Variants in TTC28 observed in about 807,000 individuals in gnomAD.
TTC28 encodes the protein tetratricopeptide repeat protein 28.
Under a neutral mutation model 198.0 loss-of-function variants are expected in TTC28, and 61 were observed. The ratio of observed to expected loss-of-function variants is 0.31; its 90% CI spans 0.25 to 0.38. TTC28 has a LOEUF of 0.38. Among genes scored for constraint, TTC28 ranks in the 10% least tolerant of loss-of-function variants. The pLI is 1.00. For synonymous variants in TTC28, 1,171 were observed against 1,297.8 expected, an observed-to-expected ratio of 0.90 and a Z score of 2.10; for missense variants, 2,678 against 3,164.0, an observed-to-expected ratio of 0.85 and a Z score of 3.69.
At chr22:28,274,117 G>T (rs1246490557) in intron 5 of TTC28, among the ~76,000 whole-genome samples, 1 of 152,170 alleles carries the variant, frequency 6.6e-6, no homozygotes, top group Admixed American at 6.5e-5. Flanking sequence ...CTATGCTGTT[G>T]TAAGTCAGAA....
intron 2 of TTC28, among the ~76,000 whole-genome samples, chr22:28,417,300 TAAAAAAAAAAAAAAA>T (rs68164494): frequency 4.5e-5 from 2 of 44,650 alleles, no homozygotes; most frequent in East Asian, 7.8e-4. Flanking sequence ...CTGTCTCTAC[TAAAAAAAAAAAAAAA>T]AAAAAAAAAA....
chr22:28,094,114 G>T lies in TTC28; in HGVS notation c.3898C>A (p.Arg1300=), dbSNP rs374514204. 3.2e-6 allele frequency: 5 copies of T among 1,550,968 alleles called. No homozygotes were observed. In the African/African-American group the frequency reaches 4.1e-5, roughly 13 times the overall value. ...SALEQHIASV[R]EALGVESHYS... is the part of the protein sequence containing the mutation. ...TGAGACTCCACCCCCAGGGCCTCCC[G>T]GACACTGGCAATGTGCTGCTCCAGG... is the stretch of plus-strand genomic sequence containing the variant. The change falls in exon 12 of 23, where the codon CGG becomes AGG. Residue 1300 remains arginine, a synonymous_variant. Coordinates refer to ENST00000397906, the MANE Select transcript of TTC28 (RefSeq NM_001145418.2).
chr22:28,580,347 T>C (rs986777362), intron 2 of TTC28, among the ~76,000 whole-genome samples: 1 of 152,206 alleles, frequency 6.6e-6, no homozygotes, highest in African/African-American at 2.4e-5. Flanking sequence ...ATTTACTTTT[T>C]CATGAGTCCC....
chr22:28,187,394 A>C (rs1271891982), intron 5 of TTC28, among the ~76,000 whole-genome samples: 3 of 152,244 alleles, frequency 2.0e-5, no homozygotes, highest in African/African-American at 7.2e-5. Flanking sequence ...TCAGAAAGAC[A>C]GAACTTTGAT....
chr22:28,325,757 C>T (rs577034000), intron 2 of TTC28, among the ~76,000 whole-genome samples: 115 of 151,884 alleles, frequency 7.6e-4, no homozygotes, highest in Non-Finnish European at 1.1e-3. Flanking sequence ...AAATCATTAG[C>T]CATTAAGAAA....
At chr22:28,276,240 T>C (rs1365276420) in intron 5 of TTC28, among the ~76,000 whole-genome samples, 1 of 151,966 alleles carries the variant, frequency 6.6e-6, no homozygotes, top group Non-Finnish European at 1.5e-5. Flanking sequence ...CTCAAACTCC[T>C]GAGCCGAAGT....
chr22:28,318,618 C>T (rs917402905), intron 2 of TTC28, among the ~76,000 whole-genome samples: 8 of 152,066 alleles, frequency 5.3e-5, no homozygotes, highest in African/African-American at 1.7e-4. Flanking sequence ...TGTACTTGTT[C>T]CACCTTGCTT....
At chr22:28,547,257 A>G (rs1257967964) in intron 2 of TTC28, among the ~76,000 whole-genome samples, 1 of 152,020 alleles carries the variant, frequency 6.6e-6, no homozygotes, top group Non-Finnish European at 1.5e-5. Context: ...ATACACATGG[A>G]ACATGGCAGT....
chr22:28,158,333 C>T (rs966904164), intron 6 of TTC28, among the ~76,000 whole-genome samples: 5 of 152,008 alleles, frequency 3.3e-5, no homozygotes, highest in Admixed American at 1.3e-4. Flanking sequence ...GTCCATACTA[C>T]CCAAAGCAAT....
chr22:28,345,766 C>T (rs2045894498), intron 2 of TTC28, among the ~76,000 whole-genome samples: 1 of 152,116 alleles, frequency 6.6e-6, no homozygotes. Context: ...AACAAAGAAT[C>T]ATGAAATTAC....
At chr22:28,264,650 C>T (rs988028181) in intron 5 of TTC28, among the ~76,000 whole-genome samples, 3 of 152,074 alleles carry the variant, frequency 2.0e-5, no homozygotes, top group African/African-American at 7.2e-5. Flanking sequence ...CGTGTGGGCG[C>T]GTGTGCTTAA....
intron 2 of TTC28, among the ~76,000 whole-genome samples, chr22:28,448,497 C>A (rs771948192): frequency 6.6e-6 from 1 of 151,892 alleles, no homozygotes; most frequent in Admixed American, 6.6e-5. Flanking sequence ...AAAATTTGTT[C>A]AAAAATTAAC....
intron 1 of TTC28, among the ~76,000 whole-genome samples, chr22:28,655,150 T>C (rs1248482203): frequency 6.6e-6 from 1 of 152,236 alleles, no homozygotes; most frequent in African/African-American, 2.4e-5. Flanking sequence ...TCTTCAACTA[T>C]TGAGCACATG....
At chr22:28,136,491 G>A (rs1943202896) in intron 6 of TTC28, among the ~76,000 whole-genome samples, 1 of 152,160 alleles carries the variant, frequency 6.6e-6, no homozygotes, top group Non-Finnish European at 1.5e-5. Context: ...TCATGGACAG[G>A]TAATATATAG....
At chr22:28,589,455 C>T (rs374920327) in intron 2 of TTC28, among the ~76,000 whole-genome samples, 5 of 152,252 alleles carry the variant, frequency 3.3e-5, no homozygotes, top group African/African-American at 1.2e-4. Context: ...CTGCTTTAAG[C>T]CTTACAAGGA....
intron 12 of TTC28, among the ~76,000 whole-genome samples, chr22:28,035,034 T>C (rs546463064): frequency 1.3e-3 from 196 of 152,310 alleles, no homozygotes; most frequent in African/African-American, 4.7e-3. Context: ...AGGCTCCAGA[T>C]AGGATTTTCA....
At chr22:28,228,520 C>T (rs1285682555) in intron 5 of TTC28, among the ~76,000 whole-genome samples, 16 of 151,770 alleles carry the variant, frequency 1.1e-4, no homozygotes, top group Admixed American at 9.8e-4. Flanking sequence ...GCCAACATGG[C>T]GAAAACCCGT....
Position 28,163,547 on chromosome 22 carries a change from T to A in TTC28, c.986A>T (p.Asp329Val). 6.4e-7 allele frequency: 1 copy of A among 1,551,440 alleles called. No homozygotes were observed. Among genetic ancestry groups the A allele is most frequent in the Non-Finnish European group, 8.7e-7 (1 of 1,146,882 alleles). ...GTGACTGGCCAGTGCATTGGGGTAG[T>A]CTCCAATGGCTGTGTACACGTGGCC... is the stretch of plus-strand genomic sequence containing the variant. ...SLGHVYTAIGDYPNALASHKQ... is the reference protein window; with the variant it reads ...SLGHVYTAIGVYPNALASHKQ... The change falls in exon 6 of 23, where the codon GAC (aspartate) becomes GTC (valine). Residue 329 changes from aspartate to valine, a missense_variant. Physicochemically the swap from Asp to Val is radical, Grantham distance 152 (BLOSUM62 -3). Transcript: ENST00000397906.
chr22:28,458,123 GTATAAAA>G (rs762623738), intron 2 of TTC28, among the ~76,000 whole-genome samples: 78 of 151,886 alleles, frequency 5.1e-4, no homozygotes, highest in Non-Finnish European at 9.6e-4. Flanking sequence ...GATTTACTAG[GTATAAAA>G]TATGTTTGCT....
Sources: allele counts gnomAD v4.1 joint callset (sites outside exome capture counted in the v4.1 genomes callset), GRCh38; gene constraint gnomAD v4.1.1; transcripts MANE v1.5; gene names NCBI Gene and HGNC (gene_info 2026-07-23, HGNC 2026-07-21).